RNF126: variants seen among roughly 807,000 people sequenced by gnomAD.
The protein encoded by RNF126 is E3 ubiquitin-protein ligase RNF126.
RNF126 carries 20 observed loss-of-function variants against 41.9 expected under a neutral mutation model. The observed-to-expected ratio is 0.48, with a 90% confidence interval of 0.34 to 0.69. RNF126 has a LOEUF of 0.69. Among genes scored for constraint, RNF126 ranks in the 30% least tolerant of loss-of-function variants. RNF126 has a pLI of 0.01. For missense variants in RNF126, 433 were observed against 460.6 expected (o/e 0.94, Z 0.55); for synonymous variants, 239 against 202.9 (o/e 1.18, Z -1.51).
Position 649,373 on chromosome 19 carries a change from T to C in RNF126, c.576+306A>G, listed in dbSNP as rs1600628132. 9.5e-6 allele frequency: 4 copies of C among 419,550 alleles called. No homozygotes were observed. In the South Asian group the frequency reaches 1.2e-4, roughly 12 times the overall value. The allele number at this position is 419,550 out of a possible 1,614,324, so 26.0% of individuals were successfully genotyped here. A position where few individuals can be genotyped will look rare whatever the true frequency, so the allele number is the denominator to read the frequency against. On this transcript the variant is annotated intron_variant, in intron 6 of 8. Coordinates refer to ENST00000292363, the MANE Select transcript of RNF126 (RefSeq NM_194460.3). ...GAGACGGGTGGCACTTGGAAGCAGGTCAGGGCGCGACCTCTCGGGAAGAGG... is the reference window on the plus strand; with the variant it reads ...GAGACGGGTGGCACTTGGAAGCAGGCCAGGGCGCGACCTCTCGGGAAGAGG...
intron 2 of RNF126, 114 bp downstream of exon 2, chr19:652,712 A>C (rs2030374972): frequency 2.1e-6 from 2 of 931,956 alleles, no homozygotes; most frequent in Non-Finnish European, 3.4e-6. Flanking sequence ...AGCCACAGAC[A>C]CCAGGGCCTG....
At chr19:656,862 G>A (rs1015720655) in intron 1 of RNF126, among the ~76,000 whole-genome samples, 2 of 152,210 alleles carry the variant, frequency 1.3e-5, no homozygotes, top group African/African-American at 4.8e-5. Flanking sequence ...CCTGGTTTCT[G>A]CCGGTGTCGG....
intron 1 of RNF126, among the ~76,000 whole-genome samples, chr19:662,703 C>T (rs888632784): frequency 6.6e-6 from 1 of 152,266 alleles, no homozygotes. Flanking sequence ...TTTGCAAAAC[C>T]AGGCTCACCG....
rs952129857 is a variant in RNF126, at chr19:659,626, C to T, written c.75+3421G>A. On this transcript the variant is annotated intron_variant, in intron 1 of 8. Coordinates refer to ENST00000292363, the MANE Select transcript of RNF126 (RefSeq NM_194460.3). The surrounding 1 kb of genome is among the most constrained non-coding windows in gnomAD (Gnocchi z 4.9). The stretch of plus-strand genomic sequence containing the variant: ...ACAGTCACAGCTCCAGTCAGTGCCT[C>T]CTCAGCAGGCTCGAGTCTGGGTCTG... 1.3e-5 allele frequency among the ~76,000 whole-genome samples: 2 copies of T among 152,212 alleles called. No homozygotes were observed. The highest frequency in any genetic ancestry group is 2.9e-5 in the Non-Finnish European group (2 of 68,028).
chr19:655,441 G>A (rs2030519382), intron 1 of RNF126, among the ~76,000 whole-genome samples: 1 of 151,556 alleles, frequency 6.6e-6, no homozygotes, highest in African/African-American at 2.4e-5. Flanking sequence ...AGCCGAGATC[G>A]CGCCACTGCA....
intron 2 of RNF126, 101 bp from the exon 3 acceptor site, chr19:652,397 C>T (rs2030353369): frequency 3.8e-6 from 4 of 1,062,590 alleles, no homozygotes; most frequent in Middle Eastern, 2.1e-4. Context: ...CAGGAATTGT[C>T]CTTGGCACTG....
Position 657,292 on chromosome 19 carries a change from C to T in RNF126, c.76-4408G>A, listed in dbSNP as rs546125624. Among the ~76,000 whole-genome samples, 5 of 152,350 alleles carry T rather than the reference C, an allele frequency of 3.3e-5. No individual in the cohort carries two copies. The South Asian group carries it at 8.3e-4, about 25-fold the overall frequency. On this transcript the variant is annotated intron_variant, in intron 1 of 8. Transcript: ENST00000292363. The stretch of plus-strand genomic sequence containing the variant: ...CTCGGCCGCTCTGGTCCCCATGTGC[C>T]GAGCTCAGCCCCTCTGTGCATCACT...
intron 4 of RNF126, chr19:651,322 G>A (rs954570113): frequency 3.4e-6 from 1 of 290,844 alleles, no homozygotes; most frequent in Non-Finnish European, 6.3e-6. Flanking sequence ...CCCAAGGCCT[G>A]GACAGCGTTT....
intron 1 of RNF126, among the ~76,000 whole-genome samples, chr19:657,345 G>C (rs1398798540): frequency 6.6e-6 from 1 of 152,208 alleles, no homozygotes; most frequent in African/African-American, 2.4e-5. Context: ...CCGGGTTCCC[G>C]TCTCAGTCCA....
chr19:660,000 G>T lies in RNF126; in HGVS notation c.75+3047C>A, dbSNP rs1251861538. Among the ~76,000 whole-genome samples, 1 of 152,194 alleles carries T rather than the reference G, an allele frequency of 6.6e-6. No homozygotes were observed. The highest frequency in any genetic ancestry group is 1.5e-5 in the Non-Finnish European group (1 of 68,022). On this transcript the variant is annotated intron_variant, in intron 1 of 8. Transcript: ENST00000292363. This position sits in a 1 kb window ranked among gnomAD's most constrained non-coding sequence, Gnocchi z 4.9. ...GGCTGGTCTCGAACTCCTGACCTCA[G>T]GTGATCCGTCCACCTCAGCCTCCCA...
Position 651,552 on chromosome 19 carries a change from G to A in RNF126, c.443+59C>T, listed in dbSNP as rs988477567. On this transcript the variant is annotated intron_variant, in intron 4 of 8. Transcript: ENST00000292363. The stretch of plus-strand genomic sequence containing the variant: ...GTGGAACCCGTGCTGGATTCTAAGC[G>A]CCAGAACTTCCGACCTCAAGGCGTG... 2.6e-5 allele frequency: 36 copies of A among 1,368,944 alleles called. No homozygotes were observed. The Admixed American group carries it at 4.7e-4, about 18-fold the overall frequency. The allele number at this position is 1,368,944 out of a possible 1,614,324, so 84.8% of individuals were successfully genotyped here.
chr19:652,301 GGA>G lies in RNF126; in HGVS notation c.135-7_135-6del, dbSNP rs2030347905. ...GCAGAACCATTTTCTGTGCTCCTGG[GGA>G]GAGAGTGCAGGTCAGCAGTGCCGGC... On this transcript the variant is annotated splice_region_variant and splice_polypyrimidine_tract_variant and intron_variant, in intron 2 of 8. Coordinates refer to ENST00000292363, the MANE Select transcript of RNF126 (RefSeq NM_194460.3). 2.6e-6 allele frequency: 4 copies of G among 1,558,318 alleles called. No homozygotes were observed. Among genetic ancestry groups the G allele is most frequent in the South Asian group, 1.2e-5 (1 of 82,456 alleles).
At chr19:662,594 G>A (rs1473677712) in intron 1 of RNF126, among the ~76,000 whole-genome samples, 3 of 152,102 alleles carry the variant, frequency 2.0e-5, no homozygotes, top group African/African-American at 2.4e-5. Flanking sequence ...GTCCCCTGGC[G>A]TTATTCTCGG....
Position 649,795 on chromosome 19 carries a change from A to G in RNF126, c.507-47T>C, listed in dbSNP as rs550314974. 6.9e-6 allele frequency: 10 copies of G among 1,458,540 alleles called. 1 individual carries two copies. The South Asian group carries it at 1.1e-4, about 16-fold the overall frequency. The allele number at this position is 1,458,540 out of a possible 1,614,324, so 90.3% of individuals were successfully genotyped here. ...CAAGTGGCTGACGGGCAGCTGGGGC[A>G]GGTGCGTCTATCCACCCCACTCACC... is the stretch of plus-strand genomic sequence containing the variant. On this transcript the variant is annotated intron_variant, in intron 5 of 8. Transcript: ENST00000292363.
chr19:651,539 C>G, intron 4 of RNF126, 72 bp downstream of exon 4: 1 of 1,347,028 alleles, frequency 7.4e-7, no homozygotes. Context: ...GGAACCCGTG[C>G]TGGATTCTAA....
At chr19:661,248 G>C (rs989193735) in intron 1 of RNF126, 4 of 152,410 alleles carry the variant, frequency 2.6e-5, no homozygotes, top group African/African-American at 9.7e-5. Flanking sequence ...ATGTGCAGCC[G>C]AGTCAAGGCA....
intron 1 of RNF126, among the ~76,000 whole-genome samples, chr19:660,913 C>T (rs1009629): frequency 0.11 from 16,702 of 152,308 alleles, 1,484 homozygotes; most frequent in South Asian, 0.36. Flanking sequence ...CAAGCAGATG[C>T]CCTTGGGATC....
At chr19:650,394 G>GC in intron 4 of RNF126, 98 bp from the exon 5 acceptor site, 1 of 988,782 alleles carries the variant, frequency 1.0e-6, no homozygotes, top group Non-Finnish European at 1.5e-6. Context: ...GGCAGGGCCA[G>GC]CATCAGCTTC....
chr19:652,637 C>CCCCGG (rs946052613), intron 2 of RNF126, 189 bp downstream of exon 2: 2 of 627,122 alleles, frequency 3.2e-6, no homozygotes, highest in African/African-American at 3.7e-5. Flanking sequence ...TCCCCTCTGG[C>CCCCGG]CCCGGCCCGG....
Sources: gnomAD v4.1 joint callset for allele counts (sites outside exome capture counted in the v4.1 genomes callset) on GRCh38, gnomAD v4.1.1 for gene constraint, Gnocchi (gnomAD v3.1) non-coding constraint, MANE v1.5 for transcripts, NCBI Gene and HGNC (gene_info 2026-07-23, HGNC 2026-07-21) for gene names.